VPS37A: variants seen among roughly 807,000 people sequenced by gnomAD.
VPS37A encodes vacuolar protein sorting-associated protein 37A.
VPS37A carries 30 observed loss-of-function variants against 49.8 expected under a neutral mutation model. The observed-to-expected ratio is 0.60, with a 90% confidence interval of 0.45 to 0.82. The LOEUF (loss-of-function observed/expected upper bound fraction) is 0.82. Ranked by LOEUF, VPS37A falls within the 40% of genes least tolerant of loss-of-function variation. The pLI is 0.00. For missense variants in VPS37A, 593 were observed against 464.4 expected (o/e 1.28, Z -2.55); for synonymous variants, 195 against 160.6 (o/e 1.21, Z -1.62).
In VPS37A at chr8:17,268,842, A is replaced by G; in HGVS notation, c.316-14A>G. 3 of 1,555,210 alleles carry G rather than the reference A, an allele frequency of 1.9e-6. No individual in the cohort carries two copies. The highest frequency in any genetic ancestry group is 2.6e-6 in the Non-Finnish European group (3 of 1,133,946). Reference sequence around the variant, plus strand: ...CTGGAAGTGATTTTAAGCGTCATGTATTGTTACTTTCAGTTTACAATGCAC... The same window carrying G: ...CTGGAAGTGATTTTAAGCGTCATGTGTTGTTACTTTCAGTTTACAATGCAC... On this transcript the variant is annotated splice_polypyrimidine_tract_variant and intron_variant, in intron 3 of 11. Coordinates refer to ENST00000324849, the MANE Select transcript of VPS37A (RefSeq NM_152415.3).
intron 11 of VPS37A, among the ~76,000 whole-genome samples, chr8:17,294,532 C>A: frequency 6.6e-6 from 1 of 152,308 alleles, no homozygotes; most frequent in East Asian, 1.9e-4. Context: ...TCTGGCCAAA[C>A]GGCCACCTAG....
intron 4 of VPS37A, among the ~76,000 whole-genome samples, chr8:17,270,237 A>C (rs1422596720): frequency 6.6e-6 from 1 of 152,160 alleles, no homozygotes; most frequent in African/African-American, 2.4e-5. Context: ...AAACATCCAA[A>C]CTATATCAGA....
At chr8:17,307,829 C>T in the VPS37A span, among the ~76,000 whole-genome samples, 2 of 149,332 alleles carry the variant, frequency 1.3e-5, no homozygotes, top group Admixed American at 6.8e-5. Flanking sequence ...TAGGTGGGAA[C>T]TGAACAATGA....
At chr8:17,310,297 A>T in the VPS37A span, among the ~76,000 whole-genome samples, 6 of 152,284 alleles carry the variant, frequency 3.9e-5, no homozygotes, top group African/African-American at 1.4e-4. Context: ...TACCACACCC[A>T]GCCTGGATTT....
chr8:17,317,441 C>T, the VPS37A span, among the ~76,000 whole-genome samples: 2 of 152,206 alleles, frequency 1.3e-5, no homozygotes, highest in Non-Finnish European at 2.9e-5. Flanking sequence ...CCATGGGTCT[C>T]ATTCTTCCAT....
intron 11 of VPS37A, among the ~76,000 whole-genome samples, chr8:17,290,894 G>T (rs1816078686): frequency 1.3e-5 from 2 of 151,880 alleles, no homozygotes; most frequent in South Asian, 4.2e-4. Context: ...CTTCCTGGTT[G>T]GGAGGATGTA....
intron 1 of VPS37A, among the ~76,000 whole-genome samples, chr8:17,251,611 T>G (rs945823993): frequency 2.0e-5 from 3 of 152,184 alleles, no homozygotes; most frequent in African/African-American, 7.2e-5. Context: ...GACTTTCCAT[T>G]TAGAAAGCAA....
the VPS37A span, among the ~76,000 whole-genome samples, chr8:17,329,611 T>C: frequency 6.6e-6 from 1 of 152,224 alleles, no homozygotes; most frequent in East Asian, 1.9e-4. Context: ...ATTTATGTTC[T>C]CCAGGTCATC....
At chr8:17,256,013 C>G (rs55805233) in intron 1 of VPS37A, among the ~76,000 whole-genome samples, 5,387 of 151,840 alleles carry the variant, frequency 0.035, 149 homozygotes, top group Non-Finnish European at 0.051. Context: ...GTGCAGCTAT[C>G]TCTTTGATTT....
At chr8:17,312,339 C>T in the VPS37A span, among the ~76,000 whole-genome samples, 1 of 152,140 alleles carries the variant, frequency 6.6e-6, no homozygotes, top group Non-Finnish European at 1.5e-5. Flanking sequence ...CTTTGGGAGG[C>T]CGTGGCGGGT....
intron 10 of VPS37A, among the ~76,000 whole-genome samples, chr8:17,285,420 C>G (rs142364084): frequency 1.1e-3 from 175 of 152,210 alleles, no homozygotes; most frequent in African/African-American, 4.0e-3. Flanking sequence ...CTGTTCTGTT[C>G]TGATATTTCT....
intron 1 of VPS37A, among the ~76,000 whole-genome samples, chr8:17,253,802 C>A (rs899226795): frequency 2.0e-5 from 3 of 152,088 alleles, no homozygotes; most frequent in Admixed American, 6.5e-5. Flanking sequence ...ACACAGATTT[C>A]GAAAACAAAC....
chr8:17,275,288 A>T (rs1295989336), intron 5 of VPS37A, among the ~76,000 whole-genome samples: 3 of 152,178 alleles, frequency 2.0e-5, no homozygotes, highest in East Asian at 3.9e-4. Flanking sequence ...AGTGCCTCAA[A>T]TATACTGATG....
chr8:17,320,566 A>G, the VPS37A span, among the ~76,000 whole-genome samples: 2 of 152,184 alleles, frequency 1.3e-5, no homozygotes, highest in African/African-American at 2.4e-5. Context: ...CCATAAAGTA[A>G]TGTACCCAGG....
rs17687375 is a variant in VPS37A at position 17,274,953 on chromosome 8, A to G, written c.637A>G (p.Ile213Val). The G allele has an allele frequency of 1.0e-3, 1,644 of 1,613,894 alleles. 25 individuals are homozygous for G. The East Asian group carries it at 0.026, about 26-fold the overall frequency. The change falls in exon 5 of 12, where the codon ATA becomes GTA. Residue 213 changes from isoleucine to valine, a missense_variant. By Grantham distance (29) the Ile-to-Val change is conservative (BLOSUM62 3). Coordinates refer to ENST00000324849, the MANE Select transcript of VPS37A (RefSeq NM_152415.3). ...PLPIPTVDASIPTSQNGFGYK... is the reference protein window; with the variant it reads ...PLPIPTVDASVPTSQNGFGYK... The stretch of plus-strand genomic sequence containing the variant: ...ACCCATTCCCACAGTGGATGCTTCA[A>G]TACCGGTTGGTATCGTCAGTTATCT...
downstream of VPS37A, chr8:17,304,261 CT>C: frequency 8.6e-7 from 1 of 1,165,988 alleles, no homozygotes; most frequent in East Asian, 2.5e-5. Flanking sequence ...CCTCTGGTGT[CT>C]TTTGTGTCCA....
chr8:17,256,082 CA>C (rs951323940), intron 1 of VPS37A, among the ~76,000 whole-genome samples: 1 of 151,174 alleles, frequency 6.6e-6, no homozygotes, highest in Non-Finnish European at 1.5e-5. Flanking sequence ...ATGGCAGTTT[CA>C]TTTTTTTTTT....
At chr8:17,331,301 C>G in the VPS37A span, 2 of 1,566,640 alleles carry the variant, frequency 1.3e-6, no homozygotes, top group South Asian at 2.4e-5. Flanking sequence ...GTCAGCAAAA[C>G]AGAACAGTCA....
At chr8:17,283,507 C>G (rs1429526354) in intron 9 of VPS37A, among the ~76,000 whole-genome samples, 2 of 152,134 alleles carry the variant, frequency 1.3e-5, no homozygotes, top group Non-Finnish European at 2.9e-5. Flanking sequence ...GGTCTTTGAT[C>G]CATTTGGAAT....
Sources: gnomAD v4.1 joint callset for allele counts (sites outside exome capture counted in the v4.1 genomes callset) on GRCh38, gnomAD v4.1.1 for gene constraint, MANE v1.5 for transcripts, NCBI Gene and HGNC (gene_info 2026-07-23, HGNC 2026-07-21) for gene names.